Variants in COL24A1 observed in about 807,000 individuals in gnomAD.
COL24A1 encodes the protein collagen alpha-1(XXIV) chain.
In COL24A1, 224 loss-of-function variants were observed where a neutral mutation model predicts 253.9. The ratio of observed to expected loss-of-function variants is 0.88; its 90% CI spans 0.79 to 0.99. The LOEUF is 0.99. Ranked by LOEUF, COL24A1 falls within the 50% of genes least tolerant of loss-of-function variation. COL24A1 has a pLI of 0.00. For synonymous variants in COL24A1, 685 were observed against 673.7 expected (o/e 1.02, Z -0.26); for missense variants, 2,131 against 2,068.5 (o/e 1.03, Z -0.59).
intron 3 of COL24A1, among the ~76,000 whole-genome samples, chr1:86,116,486 TAC>T (rs1476166312): frequency 6.6e-6 from 1 of 152,182 alleles, no homozygotes; most frequent in Non-Finnish European, 1.5e-5. Context: ...CATAATTTCA[TAC>T]AGTTTAATCT....
intron 20 of COL24A1, among the ~76,000 whole-genome samples, chr1:85,985,298 G>A (rs1332707523): frequency 6.6e-6 from 1 of 151,774 alleles, no homozygotes; most frequent in Non-Finnish European, 1.5e-5. Context: ...GTAAGAAGCT[G>A]TGAGATTTGA....
chr1:85,736,520 TC>T, intron 58 of COL24A1: 1 of 455,690 alleles, frequency 2.2e-6, no homozygotes, highest in Non-Finnish European at 4.4e-6. Flanking sequence ...AATGGAAGGA[TC>T]CTTCCCTCTT....
At position 85,957,591 on chromosome 1, in the gene COL24A1, C is replaced by T. The variant is rs1262900318; in HGVS notation, c.2562+3658G>A. ...CACACTGGAGACTGACTAGGATCCTCCCCTGATTTGCAGCCTACCTCCAAT... is the reference window on the plus strand; with the variant it reads ...CACACTGGAGACTGACTAGGATCCTTCCCTGATTTGCAGCCTACCTCCAAT... On this transcript the variant is annotated intron_variant, in intron 24 of 59. Coordinates refer to ENST00000370571, the MANE Select transcript of COL24A1 (RefSeq NM_152890.7). Among the ~76,000 whole-genome samples the T allele has an allele frequency of 3.3e-5, 5 of 152,136 alleles. No homozygotes were observed. In the East Asian group the frequency reaches 9.6e-4, roughly 29 times the overall value.
rs937366918 is a variant in COL24A1, at chr1:85,734,655, G to T, written c.4998+94C>A. On this transcript the variant is annotated intron_variant, in intron 59 of 59. Transcript: ENST00000370571. ...TACTACCCTTCTGTATCTGCAGTTTGTAATTAAAGTCTTACTCTAATTATC... is the reference window on the plus strand; with the variant it reads ...TACTACCCTTCTGTATCTGCAGTTTTTAATTAAAGTCTTACTCTAATTATC... 4.5e-6 allele frequency: 5 copies of T among 1,111,992 alleles called. No homozygotes were observed. In the South Asian group the frequency reaches 7.0e-5, roughly 16 times the overall value. 68.9% of individuals were successfully genotyped at this position (1,111,992 alleles called of 1,614,324 possible).
intron 57 of COL24A1, 96 bp downstream of exon 57, chr1:85,744,566 AAACT>A: frequency 5.7e-6 from 6 of 1,052,948 alleles, no homozygotes; most frequent in South Asian, 3.6e-5. Context: ...GGGTTTTATC[AAACT>A]AACTATGATT....
At chr1:85,881,566 A>C (rs1349991341) in intron 32 of COL24A1, among the ~76,000 whole-genome samples, 1 of 152,114 alleles carries the variant, frequency 6.6e-6, no homozygotes, top group Non-Finnish European at 1.5e-5. Flanking sequence ...TGGAGGTTGC[A>C]GTGAGCTGAG....
chr1:85,787,302 C>A (rs1669785807), intron 47 of COL24A1, among the ~76,000 whole-genome samples: 1 of 151,872 alleles, frequency 6.6e-6, no homozygotes, highest in Non-Finnish European at 1.5e-5. Context: ...AGCTATCAAC[C>A]CATCACCTAG....
intron 3 of COL24A1, among the ~76,000 whole-genome samples, chr1:86,119,202 AT>A (rs1425454016): frequency 6.6e-6 from 1 of 152,318 alleles, no homozygotes; most frequent in East Asian, 1.9e-4. Context: ...AAACGAAAGG[AT>A]CATAACCACA....
chr1:85,804,357 GAAC>G (rs1671737412), intron 47 of COL24A1, among the ~76,000 whole-genome samples: 1 of 152,044 alleles, frequency 6.6e-6, no homozygotes, highest in South Asian at 2.1e-4. Context: ...TGCACAAGAG[GAAC>G]AACAAAAGAA....
rs1438024224 is a variant in COL24A1, at chr1:85,734,864, C to T, written c.4883G>A (p.Trp1628Ter). The T allele has an allele frequency of 3.7e-6, 6 of 1,614,156 alleles. No homozygotes were observed. The highest frequency in any genetic ancestry group is 4.2e-6 in the Non-Finnish European group (5 of 1,180,024). The part of the protein sequence containing the change: ...ITIHCLNTPR[W>*]TSTQTSGPGL... ...TGGGCCACTTGTTTGTGTGCTTGTCCACCTTGGGGTGTTTAGACAGTGAAT... is the reference window on the plus strand; with the variant it reads ...TGGGCCACTTGTTTGTGTGCTTGTCTACCTTGGGGTGTTTAGACAGTGAAT... Residue 1628 changes from tryptophan (W) to a stop codon, truncating the protein, a stop_gained, in exon 59 of 60, where the codon TGG becomes TAG. Coordinates refer to ENST00000370571, the MANE Select transcript of COL24A1 (RefSeq NM_152890.7). LOFTEE classifies it high-confidence loss of function.
intron 47 of COL24A1, among the ~76,000 whole-genome samples, chr1:85,802,155 G>A (rs1049266039): frequency 3.9e-5 from 6 of 152,122 alleles, no homozygotes; most frequent in Non-Finnish European, 8.8e-5. Flanking sequence ...CTATACTGAA[G>A]CCAGAGGGAA....
chr1:86,081,242 C>G (rs1262087676), intron 7 of COL24A1, among the ~76,000 whole-genome samples: 1 of 152,100 alleles, frequency 6.6e-6, no homozygotes, highest in Non-Finnish European at 1.5e-5. Flanking sequence ...AAGTATGGAT[C>G]AATTCCCAAC....
Position 85,789,982 on chromosome 1 carries a change from G to C in COL24A1, c.3952-3521C>G, listed in dbSNP as rs139153775. Reference sequence around the variant, plus strand: ...ATATTATTGAGGATTTTGCATTGATGTTCAGCAGGAATATTGGCCTTAAGT... The same window carrying C: ...ATATTATTGAGGATTTTGCATTGATCTTCAGCAGGAATATTGGCCTTAAGT... On this transcript the variant is annotated intron_variant, in intron 47 of 59. Transcript: ENST00000370571. 8.4e-3 allele frequency among the ~76,000 whole-genome samples: 1,282 copies of C among 152,262 alleles called. 57 individuals carry two copies. Among genetic ancestry groups the C allele is most frequent in the Admixed American group, 0.065 (1,000 of 15,290 alleles).
At chr1:85,783,203 T>G (rs567584962) in intron 51 of COL24A1, among the ~76,000 whole-genome samples, 1 of 152,248 alleles carries the variant, frequency 6.6e-6, no homozygotes. Flanking sequence ...GAAATTGCTG[T>G]ATGTTTTTGT....
chr1:85,841,967 G>A, intron 41 of COL24A1, 101 bp downstream of exon 41: 1 of 951,526 alleles, frequency 1.1e-6, no homozygotes, highest in Middle Eastern at 2.2e-4. Flanking sequence ...CTTTAAAAGT[G>A]CTTCTTTTAT....
intron 24 of COL24A1, among the ~76,000 whole-genome samples, chr1:85,917,748 T>A (rs1425025840): frequency 4.6e-5 from 7 of 152,164 alleles, no homozygotes. Context: ...TGGAGTGCAG[T>A]GGCATGATCT....
At chr1:85,756,360 C>T (rs1414718325) in intron 55 of COL24A1, among the ~76,000 whole-genome samples, 1 of 151,694 alleles carries the variant, frequency 6.6e-6, no homozygotes, top group Non-Finnish European at 1.5e-5. Flanking sequence ...CAGAGGTTGC[C>T]GTGAGCTGAG....
At chr1:86,083,501 G>T (rs906587046) in intron 7 of COL24A1, among the ~76,000 whole-genome samples, 1 of 152,018 alleles carries the variant, frequency 6.6e-6, no homozygotes, top group African/African-American at 2.4e-5. Flanking sequence ...GAATTTATCT[G>T]AGGAAGAAAA....
At chr1:86,093,317 A>AG (rs1020692062) in intron 5 of COL24A1, among the ~76,000 whole-genome samples, 3 of 152,004 alleles carry the variant, frequency 2.0e-5, no homozygotes, top group Middle Eastern at 3.2e-3. Context: ...TGTGTAAGGA[A>AG]GGGGGGTCCA....
Sources: gnomAD v4.1 joint callset for allele counts (sites outside exome capture counted in the v4.1 genomes callset) on GRCh38, gnomAD v4.1.1 for gene constraint, MANE v1.5 for transcripts, NCBI Gene and HGNC (gene_info 2026-07-23, HGNC 2026-07-21) for gene names.